The following ACSS2 variants were observed in gnomAD, a reference collection of about 807,000 sequenced individuals.
The protein encoded by ACSS2 is acetyl-coenzyme A synthetase, cytoplasmic.
In ACSS2, 58 loss-of-function variants were observed where a neutral mutation model predicts 90.6. The observed-to-expected ratio is 0.64, with a 90% CI of 0.52 to 0.80. ACSS2 has a LOEUF of 0.80. Ranked by LOEUF, ACSS2 falls within the 30% of genes least tolerant of loss-of-function variation. The probability of loss-of-function intolerance (pLI) is 0.00; values close to 1 mark genes in which losing one functional copy is unlikely to be tolerated. For missense variants in ACSS2, 759 were observed against 912.0 expected, an observed-to-expected ratio of 0.83 and a Z score of 2.16; for synonymous variants, 300 against 330.9, an observed-to-expected ratio of 0.91 and a Z score of 1.01.
At chr20:34,899,291 A>C (rs1243540816) in intron 2 of ACSS2, among the ~76,000 whole-genome samples, 4 of 152,192 alleles carry the variant, frequency 2.6e-5, no homozygotes, top group Non-Finnish European at 4.4e-5. Context: ...AAGTGCCGCC[A>C]AAGTGGGAGC....
At chr20:34,925,909 G>C (rs6120764) in intron 15 of ACSS2, 143 bp downstream of exon 15, 3 of 1,094,868 alleles carry the variant, frequency 2.7e-6, no homozygotes, top group Non-Finnish European at 3.9e-6. Flanking sequence ...CCAGGTTTTA[G>C]AGGAGTAATG....
At chr20:34,918,395 G>C (rs1160259012) in intron 7 of ACSS2, among the ~76,000 whole-genome samples, 1 of 152,178 alleles carries the variant, frequency 6.6e-6, no homozygotes, top group Admixed American at 6.5e-5. Flanking sequence ...ACTCAAAATT[G>C]GTGTTCAAAG....
Position 34,927,308 on chromosome 20 carries a change from A to T in ACSS2, c.*94A>T. ...GAGTGCTGAGGGCCAGTGTTGACCC[A>T]CACTACCCTCCCTTGACCAGCTGTC... On this transcript the variant is annotated 3_prime_UTR_variant, in exon 18 of 18. Transcript: ENST00000360596. The surrounding 1 kb of genome is among the most constrained non-coding windows in gnomAD (Gnocchi z 4.2). The T allele has an allele frequency of 2.0e-6, 3 of 1,517,724 alleles. No homozygotes were observed. In the South Asian group the frequency reaches 3.5e-5, roughly 17 times the overall value. 94.0% of individuals were successfully genotyped at this position (1,517,724 alleles called of 1,614,324 possible). A position where few individuals can be genotyped will look rare whatever the true frequency, so the allele number is the denominator to read the frequency against.
At chr20:34,913,267 A>G in intron 3 of ACSS2, 80 bp downstream of exon 3, 1 of 1,559,866 alleles carries the variant, frequency 6.4e-7, no homozygotes, top group Non-Finnish European at 8.8e-7. Context: ...GGAGAGGGCA[A>G]GGGATGGAAA....
chr20:34,900,500 C>T (rs1362294125), intron 2 of ACSS2, among the ~76,000 whole-genome samples: 2 of 152,010 alleles, frequency 1.3e-5, no homozygotes, highest in Non-Finnish European at 2.9e-5. Flanking sequence ...GAAGACTGGC[C>T]GGTACAGTCC....
At chr20:34,905,263 T>G (rs1483593995) in intron 2 of ACSS2, among the ~76,000 whole-genome samples, 1 of 134,964 alleles carries the variant, frequency 7.4e-6, no homozygotes. Context: ...AATTCAGAAG[T>G]TTTTTTTTTT....
intron 2 of ACSS2, among the ~76,000 whole-genome samples, chr20:34,896,546 T>C (rs1442494245): frequency 6.6e-6 from 1 of 152,248 alleles, no homozygotes; most frequent in South Asian, 2.1e-4. Flanking sequence ...AGTTTGTTCA[T>C]TTATTTATTC....
intron 2 of ACSS2, among the ~76,000 whole-genome samples, chr20:34,904,358 G>A (rs1463305211): frequency 6.6e-6 from 1 of 152,000 alleles, no homozygotes; most frequent in East Asian, 1.9e-4. Flanking sequence ...CAAGTAGAGG[G>A]CAAAGGCTCT....
intron 2 of ACSS2, among the ~76,000 whole-genome samples, chr20:34,887,409 A>T (rs2080222773): frequency 6.6e-6 from 1 of 152,212 alleles, no homozygotes; most frequent in South Asian, 2.1e-4. Context: ...AATGTCCCAG[A>T]CCCTAGTCTC....
At chr20:34,916,388 C>A (rs2081078741) in intron 7 of ACSS2, among the ~76,000 whole-genome samples, 1 of 152,162 alleles carries the variant, frequency 6.6e-6, no homozygotes, top group African/African-American at 2.4e-5. Context: ...CGGGTTTTGT[C>A]AATATATGTA....
intron 17 of ACSS2, 24 bp downstream of exon 17, chr20:34,926,975 T>C: frequency 1.2e-6 from 2 of 1,614,006 alleles, no homozygotes; most frequent in South Asian, 2.2e-5. Context: ...CCTCCATGGA[T>C]TGGGATGGGC....
At chr20:34,889,614 A>G (rs2080286387) in intron 2 of ACSS2, among the ~76,000 whole-genome samples, 1 of 152,196 alleles carries the variant, frequency 6.6e-6, no homozygotes, top group Admixed American at 6.5e-5. Context: ...TTTAGGCTCT[A>G]TCTTTTATAT....
At chr20:34,909,070 G>A (rs964487154) in intron 2 of ACSS2, 33 of 357,504 alleles carry the variant, frequency 9.2e-5, no homozygotes, top group Non-Finnish European at 1.4e-4. Flanking sequence ...TTTAAGCTTG[G>A]CACCGTGGCT....
Position 34,921,394 on chromosome 20 carries a change from C to T in ACSS2, c.1342C>T (p.Leu448=). ...VGEPINPEAW[L]WYHRVVGAQR... ...TGAACCCATCAACCCTGAGGCCTGG[C>T]TATGGTACCACCGGGTGGTAGGTGC... Residue 448 remains leucine (L), a synonymous_variant, in exon 11 of 18, where the codon CTA becomes TTA. Coordinates refer to ENST00000360596, the MANE Select transcript of ACSS2 (RefSeq NM_018677.4). The T allele has an allele frequency of 1.2e-6, 2 of 1,614,204 alleles. No homozygotes were observed. Among genetic ancestry groups the T allele is most frequent in the Admixed American group, 3.3e-5 (2 of 60,034 alleles).
Position 34,927,228 on chromosome 20 carries a change from C to CT in ACSS2, c.*17dup. 3.1e-6 allele frequency: 5 copies of CT among 1,612,668 alleles called. No homozygotes were observed. Among genetic ancestry groups the CT allele is most frequent in the Non-Finnish European group, 4.2e-6 (5 of 1,179,996 alleles). On this transcript the variant is annotated 3_prime_UTR_variant, in exon 18 of 18. Transcript: ENST00000360596. This position sits in a 1 kb window ranked among gnomAD's most constrained non-coding sequence, Gnocchi z 4.2. ...ACCATCCAGTGAACATGATCCTGAC[C>CT]TTTACCTAGGATTCCTCCTGCTCCA...
At chr20:34,899,086 G>A (rs866620786) in intron 2 of ACSS2, among the ~76,000 whole-genome samples, 2 of 152,184 alleles carry the variant, frequency 1.3e-5, no homozygotes, top group Admixed American at 6.5e-5. Flanking sequence ...AGGGCCGGCC[G>A]GCTGCTCCGA....
At chr20:34,876,603 G>C (rs751381526), upstream of ACSS2, 1 of 1,294,130 alleles carries the variant, frequency 7.7e-7, no homozygotes, top group Non-Finnish European at 9.9e-7. Flanking sequence ...CCCGGCACCC[G>C]CCGCGACCGC....
chr20:34,894,636 G>A (rs1478079974), intron 2 of ACSS2, among the ~76,000 whole-genome samples: 2 of 152,210 alleles, frequency 1.3e-5, no homozygotes, highest in African/African-American at 4.8e-5. Flanking sequence ...CTGCACTCCA[G>A]CCTGGGTGAG....
intron 13 of ACSS2, chr20:34,923,013 C>T (rs2081235926): frequency 4.3e-6 from 1 of 230,998 alleles, no homozygotes; most frequent in Middle Eastern, 1.6e-3. Context: ...TTACTAAACA[C>T]TTATCAATAA....
Sources: gnomAD v4.1 joint callset for allele counts (sites outside exome capture counted in the v4.1 genomes callset) on GRCh38, gnomAD v4.1.1 for gene constraint, Gnocchi (gnomAD v3.1) non-coding constraint, MANE v1.5 for transcripts, NCBI Gene and HGNC (gene_info 2026-07-23, HGNC 2026-07-21) for gene names.